The following DNHD1 variants were observed in gnomAD, a reference collection of about 807,000 sequenced individuals.
DNHD1 encodes dynein heavy chain domain 1.
A neutral mutation model predicts 458.1 loss-of-function variants in DNHD1; 383 were observed. The ratio of observed to expected loss-of-function variants is 0.84; its 90% confidence interval spans 0.77 to 0.91. DNHD1 has a LOEUF of 0.91. Ranked by LOEUF, DNHD1 falls within the 40% of genes least tolerant of loss-of-function variation. The pLI, the probability that DNHD1 is intolerant of heterozygous loss-of-function variation, is 0.00. For synonymous variants in DNHD1, 2,203 were observed against 2,376.9 expected (o/e 0.93, Z 2.13); for missense variants, 5,336 against 5,866.1 (o/e 0.91, Z 2.95).
chr11:6,547,631 A>C lies in DNHD1; in HGVS notation c.6692A>C (p.His2231Pro). 2 of 1,532,270 alleles carry C rather than the reference A, an allele frequency of 1.3e-6. No individual in the cohort carries two copies. The highest frequency in any genetic ancestry group is 2.5e-5 in the East Asian group (1 of 40,474). 94.9% of individuals were successfully genotyped at this position (1,532,270 alleles called of 1,614,324 possible). The change falls in exon 21 of 43, where the codon CAC (histidine) becomes CCC (proline). Residue 2231 changes from histidine to proline, a missense_variant. His to Pro is a moderately conservative substitution (Grantham distance 77, BLOSUM62 -2). Transcript: ENST00000254579. ...ATCTTGCATAGTCTGCTTGACCTCC[A>C]CCTTCGCCTAAAGGAGGAGAAGGCC... ...ARILHSLLDL[H>P]LRLKEEKAPG...
In DNHD1 at chr11:6,570,837, G is replaced by A. The variant is rs764044370; in HGVS notation, c.13325G>A (p.Arg4442His). The A allele has an allele frequency of 5.0e-6, 8 of 1,613,924 alleles. No individual in the cohort carries two copies. In the African/African-American group the frequency reaches 6.7e-5, roughly 13 times the overall value. Residue 4442 changes from arginine (R) to histidine (H), a missense_variant, in exon 42 of 43, where the codon CGC (arginine) becomes CAC (histidine). By Grantham distance (29) the Arg-to-His change is conservative (BLOSUM62 0). Transcript: ENST00000254579. The stretch of plus-strand genomic sequence containing the variant: ...CTTGCGGAAAGGCGACTGCGGCAAC[G>A]CCTAGTGCAAGTCAACCGGAGGCTG... Reference protein sequence around the residue: ...AQLAERRLRQRLVQVNRRLES... With the variant: ...AQLAERRLRQHLVQVNRRLES...
intron 18 of DNHD1, 103 bp downstream of exon 18, chr11:6,540,186 C>G: frequency 1.0e-6 from 1 of 996,508 alleles, no homozygotes; most frequent in East Asian, 2.6e-5. Flanking sequence ...TAGCCAGGGC[C>G]CCATCCTTAC....
chr11:6,561,852 T>C (rs1853595211), intron 28 of DNHD1, among the ~76,000 whole-genome samples: 1 of 151,914 alleles, frequency 6.6e-6, no homozygotes, highest in East Asian at 1.9e-4. Flanking sequence ...TTGGAGGAAC[T>C]GAAAGTCAGG....
At chr11:6,568,954 A>C in intron 39 of DNHD1, 88 bp downstream of exon 39, 3 of 1,401,186 alleles carry the variant, frequency 2.1e-6, no homozygotes, top group Non-Finnish European at 1.9e-6. Flanking sequence ...AAACTAATTC[A>C]TCTTTGGAAG....
At chr11:6,526,182 T>C (rs572916618) in intron 10 of DNHD1, among the ~76,000 whole-genome samples, 2 of 152,312 alleles carry the variant, frequency 1.3e-5, no homozygotes, top group East Asian at 3.9e-4. Context: ...CTTCTATTTT[T>C]CTTGAGAAAT....
Position 6,548,504 on chromosome 11 carries a change from T to C in DNHD1, c.7098+102T>C, listed in dbSNP as rs1281936299. 6.9e-6 allele frequency: 10 copies of C among 1,457,904 alleles called. No homozygotes were observed. Among genetic ancestry groups the C allele is most frequent in the East Asian group, 2.5e-5 (1 of 40,286 alleles). The allele number at this position is 1,457,904 out of a possible 1,614,324, so 90.3% of individuals were successfully genotyped here. A position where few individuals can be genotyped will look rare whatever the true frequency, so the allele number is the denominator to read the frequency against. ...GCTGAGGCCCACTTGCTCCCTTTCT[T>C]TGATATATTTTCACAATCACAAGAA... On this transcript the variant is annotated intron_variant, in intron 23 of 42. Transcript: ENST00000254579. This position sits in a 1 kb window ranked among gnomAD's most constrained non-coding sequence, Gnocchi z 4.4.
chr11:6,499,906 T>C (rs550348450), intron 3 of DNHD1, among the ~76,000 whole-genome samples: 1 of 151,730 alleles, frequency 6.6e-6, no homozygotes, highest in South Asian at 2.1e-4. Flanking sequence ...ATCAGAGCTC[T>C]CTACAGGATT....
chr11:6,565,326 G>A (rs934265542), intron 32 of DNHD1, among the ~76,000 whole-genome samples: 1 of 152,172 alleles, frequency 6.6e-6, no homozygotes, highest in Non-Finnish European at 1.5e-5. Context: ...GCCCTTACAA[G>A]AGGCAGAAGA....
At chr11:6,530,903 T>G (rs1033901824) in intron 12 of DNHD1, among the ~76,000 whole-genome samples, 1 of 152,058 alleles carries the variant, frequency 6.6e-6, no homozygotes, top group African/African-American at 2.4e-5. Flanking sequence ...GACCAACTAG[T>G]CTCTTTAAGA....
chr11:6,555,248 A>T (rs1203926491), intron 24 of DNHD1, among the ~76,000 whole-genome samples: 5 of 102,924 alleles, frequency 4.9e-5, no homozygotes, highest in African/African-American at 1.8e-4. Context: ...GTCTCTCTCA[A>T]TCTAACTCTT....
chr11:6,567,855 C>G lies in DNHD1; in HGVS notation c.12346C>G (p.Gln4116Glu). 6.2e-7 allele frequency: 1 copy of G among 1,610,446 alleles called. No individual in the cohort carries two copies. Among genetic ancestry groups the G allele is most frequent in the South Asian group, 1.1e-5 (1 of 90,930 alleles). ...TVIQKLAAKY[Q>E]QGQKQLQVIA... is the part of the protein sequence containing the mutation. ...CATCCAGAAACTGGCTGCCAAGTAT[C>G]AGCAGGTTTGAACCTAGTTTCTTGG... The change falls in exon 36 of 43, where the codon CAG (glutamine) becomes GAG (glutamate). Residue 4116 changes from glutamine to glutamate, a missense_variant. Around this residue, in one of 4 missense-constraint regions of DNHD1, gnomAD observed 695 missense variants for 804.2 expected, o/e 0.86. Transcript: ENST00000254579.
intron 3 of DNHD1, among the ~76,000 whole-genome samples, chr11:6,500,341 G>T (rs1306550324): frequency 2.6e-5 from 4 of 152,228 alleles, no homozygotes; most frequent in African/African-American, 9.6e-5. Flanking sequence ...GCAGCTGTCT[G>T]TGGCACATTT....
rs1356229911 is a variant in DNHD1, at chr11:6,570,810, A to T, written c.13298A>T (p.Gln4433Leu). The change falls in exon 42 of 43, where the codon CAG (glutamine) becomes CTG (leucine). Residue 4433 changes from glutamine to leucine, a missense_variant. Gln to Leu is a moderately radical substitution (Grantham distance 113). This residue lies in a region of DNHD1 where 698 missense variants were observed against 664.9 expected (regional missense o/e 1.05). Transcript: ENST00000254579. Reference protein sequence around the residue: ...VWVPESRRGAQLAERRLRQRL... With the variant: ...VWVPESRRGALLAERRLRQRL... ...GTTCCTGAGTCTCGAAGAGGCGCCC[A>T]GCTTGCGGAAAGGCGACTGCGGCAA... is the stretch of plus-strand genomic sequence containing the variant. The T allele has an allele frequency of 6.2e-7, 1 of 1,613,918 alleles. No individual in the cohort carries two copies. The highest frequency in any genetic ancestry group is 8.5e-7 in the Non-Finnish European group (1 of 1,179,848).
chr11:6,556,661 T>G, intron 24 of DNHD1, 22 bp from the exon 25 acceptor site: 1 of 1,519,264 alleles, frequency 6.6e-7, no homozygotes, highest in South Asian at 1.2e-5. Context: ...ATGTCCTCAT[T>G]ATTATTCCTC....
intron 24 of DNHD1, among the ~76,000 whole-genome samples, chr11:6,552,759 C>G (rs955399784): frequency 6.6e-6 from 1 of 152,020 alleles, no homozygotes; most frequent in African/African-American, 2.4e-5. Flanking sequence ...TCACCTCCCA[C>G]CAGGTCCCTC....
intron 18 of DNHD1, among the ~76,000 whole-genome samples, chr11:6,540,421 T>G (rs772695975): frequency 6.6e-6 from 1 of 152,230 alleles, no homozygotes; most frequent in Non-Finnish European, 1.5e-5. Context: ...TGTCTGATTT[T>G]ATACCTTATT....
chr11:6,509,140 A>T, intron 5 of DNHD1, 22 bp from the exon 6 acceptor site: 1 of 1,614,126 alleles, frequency 6.2e-7, no homozygotes, highest in East Asian at 2.2e-5. Flanking sequence ...ACAGTATATT[A>T]TCACTGACCT....
intron 28 of DNHD1, 86 bp downstream of exon 28, chr11:6,559,369 T>G: frequency 1.8e-6 from 2 of 1,138,854 alleles, no homozygotes; most frequent in Non-Finnish European, 2.5e-6. Flanking sequence ...GAATGAACCT[T>G]AATTCTTGTC....
In DNHD1 at chr11:6,568,106, A is replaced by T. The variant is rs754642833; in HGVS notation, c.12402A>T (p.Pro4134=). Reference sequence around the variant, plus strand: ...CCCTGGGCTCTGAAGCCTGGGACCCAGTCTCAGTTGTGGTCAGCACTCTAT... The same window carrying T: ...CCCTGGGCTCTGAAGCCTGGGACCCTGTCTCAGTTGTGGTCAGCACTCTAT... ...VIALGSEAWD[P]VSVVVSTLSQ... is the part of the protein sequence containing the mutation. The change falls in exon 37 of 43, where the codon CCA becomes CCT. Residue 4134 remains proline (P), a synonymous_variant. Transcript: ENST00000254579. 6 of 1,573,086 alleles carry T rather than the reference A, an allele frequency of 3.8e-6. No individual in the cohort carries two copies. The highest frequency in any genetic ancestry group is 5.2e-6 in the Non-Finnish European group (6 of 1,158,208).
Sources: allele counts gnomAD v4.1 joint callset (sites outside exome capture counted in the v4.1 genomes callset), GRCh38; gene constraint gnomAD v4.1.1; regional missense constraint gnomAD v4.1.1; non-coding constraint Gnocchi (gnomAD v3.1); transcripts MANE v1.5; gene names NCBI Gene and HGNC (gene_info 2026-07-23, HGNC 2026-07-21).